The following LHPP variants were observed in gnomAD, a reference collection of about 807,000 sequenced individuals.
The protein encoded by LHPP is hLHPP.
A neutral mutation model predicts 30.3 loss-of-function variants in LHPP; 24 were observed. The observed-to-expected ratio is 0.79, with a 90% CI of 0.57 to 1.11. LHPP has a LOEUF of 1.11. LHPP is among the 50% of genes most tolerant of loss of function. LHPP has a pLI of 0.00. For missense variants in LHPP, 356 were observed against 367.2 expected, an observed-to-expected ratio of 0.97 and a Z score of 0.25; for synonymous variants, 150 against 157.1, an observed-to-expected ratio of 0.95 and a Z score of 0.34.
chr10:124,481,143 G>A (rs891749996), intron 1 of LHPP, among the ~76,000 whole-genome samples: 34 of 152,230 alleles, frequency 2.2e-4, no homozygotes, highest in African/African-American at 7.7e-4. Flanking sequence ...CCTGGAGCTC[G>A]TAGGCCAGTG....
chr10:124,525,117 G>A lies in LHPP; in HGVS notation c.716+7846G>A, dbSNP rs554852276. On this transcript the variant is annotated intron_variant, in intron 6 of 6. Transcript: ENST00000368842. ...ATGGCTGGCTTCCCTCCAACATGGC[G>A]CTGGCTCTTCCTTCTCTGACCTTTA... Among the ~76,000 whole-genome samples the A allele has an allele frequency of 6.0e-4, 91 of 152,220 alleles. No homozygotes were observed. The South Asian group carries it at 0.013, about 21-fold the overall frequency.
Position 124,461,909 on chromosome 10 carries a change from T to C in LHPP, c.47T>C (p.Leu16Pro). Reference protein sequence around the residue: ...KRLAGVRGVLLDISGVLYDSG... With the variant: ...KRLAGVRGVLPDISGVLYDSG... ...CTGGCTGGCGTGCGCGGGGTGCTGC[T>C]TGACATCTCGGGCGTGCTGTACGAC... The change falls in exon 1 of 7, where the codon CTT becomes CCT. Residue 16 changes from leucine (L) to proline (P), a missense_variant. Leu to Pro is a moderately conservative substitution (Grantham distance 98). Coordinates refer to ENST00000368842, the MANE Select transcript of LHPP (RefSeq NM_022126.4). 2.4e-6 allele frequency: 3 copies of C among 1,256,492 alleles called. No individual in the cohort carries two copies. Among genetic ancestry groups the C allele is most frequent in the Non-Finnish European group, 3.0e-6 (3 of 997,254 alleles). The allele number at this position is 1,256,492 out of a possible 1,614,324, so 77.8% of individuals were successfully genotyped here.
intron 5 of LHPP, among the ~76,000 whole-genome samples, chr10:124,516,532 C>T (rs1222233324): frequency 1.3e-5 from 2 of 152,160 alleles, no homozygotes; most frequent in African/African-American, 2.4e-5. Context: ...TTGTTTCCTG[C>T]GTCTCAGAAG....
Position 124,590,131 on chromosome 10 carries a change from T to A in LHPP, c.717-23133T>A, listed in dbSNP as rs1174426416. On this transcript the variant is annotated intron_variant, in intron 6 of 6. Transcript: ENST00000368842. This position sits in a 1 kb window ranked among gnomAD's most constrained non-coding sequence, Gnocchi z 4.3. Reference sequence around the variant, plus strand: ...GTGAACAGCTCATTCGATTCGTTCATGTGACGTCCTCCCTCTCCCAATCCC... The same window carrying A: ...GTGAACAGCTCATTCGATTCGTTCAAGTGACGTCCTCCCTCTCCCAATCCC... 6.6e-6 allele frequency among the ~76,000 whole-genome samples: 1 copy of A among 152,200 alleles called. No individual in the cohort carries two copies. Among genetic ancestry groups the A allele is most frequent in the East Asian group, 1.9e-4 (1 of 5,200 alleles).
chr10:124,478,356 G>A lies in LHPP; in HGVS notation c.126-5783G>A, dbSNP rs879804282. Among the ~76,000 whole-genome samples, 16 of 152,214 alleles carry A rather than the reference G, an allele frequency of 1.1e-4. No homozygotes were observed. The highest frequency in any genetic ancestry group is 5.2e-4 in the Admixed American group (8 of 15,284). On this transcript the variant is annotated intron_variant, in intron 1 of 6. Coordinates refer to ENST00000368842, the MANE Select transcript of LHPP (RefSeq NM_022126.4). The surrounding 1 kb of genome is among the most constrained non-coding windows in gnomAD (Gnocchi z 4.7). ...CCTCTGGGTCACACGAAGGTGACCAGTACCGGGGCTAGAGGGCAGGGGGCC... is the reference window on the plus strand; with the variant it reads ...CCTCTGGGTCACACGAAGGTGACCAATACCGGGGCTAGAGGGCAGGGGGCC...
At chr10:124,506,843 A>T (rs368308736) in intron 5 of LHPP, among the ~76,000 whole-genome samples, 1 of 5,558 alleles carries the variant, frequency 1.8e-4, no homozygotes. Flanking sequence ...GATTTCAGGT[A>T]GGGGGTAGGG....
chr10:124,473,218 C>T (rs1451008058), intron 1 of LHPP, among the ~76,000 whole-genome samples: 1 of 152,140 alleles, frequency 6.6e-6, no homozygotes, highest in Non-Finnish European at 1.5e-5. Context: ...GCCCCTACCC[C>T]CAGTGCCCCA....
rs976862949 is a variant in LHPP, at chr10:124,496,345, T to C, written c.468-616T>C. On this transcript the variant is annotated intron_variant, in intron 3 of 6. Transcript: ENST00000368842. This position sits in a 1 kb window ranked among gnomAD's most constrained non-coding sequence, Gnocchi z 4.3. Reference sequence around the variant, plus strand: ...AGCCAGCCCTGGGCTCAAAGAGCAGTGAGGCCATTTTGAGAGAGGAATGCT... The same window carrying C: ...AGCCAGCCCTGGGCTCAAAGAGCAGCGAGGCCATTTTGAGAGAGGAATGCT... Among the ~76,000 whole-genome samples, 6 of 152,156 alleles carry C rather than the reference T, an allele frequency of 3.9e-5. No individual in the cohort carries two copies. The highest frequency in any genetic ancestry group is 1.4e-4 in the African/African-American group (6 of 41,444).
intron 6 of LHPP, among the ~76,000 whole-genome samples, chr10:124,567,498 C>T (rs1010346852): frequency 2.6e-5 from 4 of 152,210 alleles, no homozygotes; most frequent in Non-Finnish European, 5.9e-5. Context: ...CCGCCCGGCT[C>T]ATAGCAATGT....
At chr10:124,519,925 C>T (rs904929794) in intron 6 of LHPP, among the ~76,000 whole-genome samples, 7 of 152,112 alleles carry the variant, frequency 4.6e-5, no homozygotes, top group East Asian at 1.9e-4. Flanking sequence ...CTCCGCCTCC[C>T]GGGTTCACGC....
At chr10:124,543,779 A>AG (rs1955264002) in intron 6 of LHPP, among the ~76,000 whole-genome samples, 1 of 137,144 alleles carries the variant, frequency 7.3e-6, no homozygotes, top group African/African-American at 3.3e-5. Flanking sequence ...AAATTAATAT[A>AG]TTTTTTTTTC....
At chr10:124,497,470 G>A (rs1641502650) in intron 4 of LHPP, among the ~76,000 whole-genome samples, 1 of 151,658 alleles carries the variant, frequency 6.6e-6, no homozygotes, top group South Asian at 2.1e-4. Context: ...CCTCCTTCCT[G>A]ACTTCCCCTT....
Position 124,485,801 on chromosome 10 carries a change from A to C in LHPP, c.313+1475A>C, listed in dbSNP as rs576877695. On this transcript the variant is annotated intron_variant, in intron 2 of 6. Coordinates refer to ENST00000368842, the MANE Select transcript of LHPP (RefSeq NM_022126.4). ...TTTTTAGTAGAGATGGGGTTTCACCATGTTGGCCAGGCTCGTCTTAAACTC... is the reference window on the plus strand; with the variant it reads ...TTTTTAGTAGAGATGGGGTTTCACCCTGTTGGCCAGGCTCGTCTTAAACTC... 7.1e-4 allele frequency among the ~76,000 whole-genome samples: 108 copies of C among 152,158 alleles called. 1 individual carries two copies. The highest frequency in any genetic ancestry group is 1.3e-3 in the Non-Finnish European group (91 of 68,010).
At chr10:124,583,455 G>A (rs978171625) in intron 6 of LHPP, among the ~76,000 whole-genome samples, 1 of 152,166 alleles carries the variant, frequency 6.6e-6, no homozygotes. Flanking sequence ...GTTGACCATT[G>A]TAGTAGGCTG....
chr10:124,561,751 G>GCACAACTTC (rs1483757635), intron 6 of LHPP, among the ~76,000 whole-genome samples: 3 of 151,756 alleles, frequency 2.0e-5, no homozygotes, highest in Non-Finnish European at 4.4e-5. Context: ...TCCAGAGAAG[G>GCACAACTTC]CCACTGAAAG....
rs1424104145 is a variant in LHPP, at chr10:124,496,658, C to A, written c.468-303C>A. ...AACTGAAACCGTCTGCCTTCTGGGT[C>A]CCCTGTTAATCATTGCAGCAGGGTC... On this transcript the variant is annotated intron_variant, in intron 3 of 6. Transcript: ENST00000368842. The surrounding 1 kb of genome is among the most constrained non-coding windows in gnomAD (Gnocchi z 4.3). Among the ~76,000 whole-genome samples, 1 of 152,234 alleles carries A rather than the reference C, an allele frequency of 6.6e-6. No homozygotes were observed. The highest frequency in any genetic ancestry group is 1.5e-5 in the Non-Finnish European group (1 of 68,052).
In LHPP at chr10:124,509,978, G is replaced by A. The variant is rs567192932; in HGVS notation, c.625-7202G>A. Among the ~76,000 whole-genome samples, 14 of 152,280 alleles carry A rather than the reference G, an allele frequency of 9.2e-5. No individual in the cohort carries two copies. The East Asian group carries it at 2.7e-3, about 29-fold the overall frequency. On this transcript the variant is annotated intron_variant, in intron 5 of 6. Transcript: ENST00000368842. ...GACACTGAAGAGGAGACCAGGGCAG[G>A]CAGGCAGATGCGTAAGAGGGAGGAT... is the stretch of plus-strand genomic sequence containing the variant.
chr10:124,560,038 A>T (rs11245291), intron 6 of LHPP, among the ~76,000 whole-genome samples: 4 of 152,120 alleles, frequency 2.6e-5, no homozygotes, highest in South Asian at 2.1e-4. Flanking sequence ...TCTGGTTTGT[A>T]GCCTGTACCA....
chr10:124,528,369 T>G (rs116679933), intron 6 of LHPP, among the ~76,000 whole-genome samples: 4,890 of 151,820 alleles, frequency 0.032, 221 homozygotes, highest in African/African-American at 0.094. Context: ...ATTATTTTAT[T>G]TTTTTTTGAA....
Sources: allele counts gnomAD v4.1 joint callset (sites outside exome capture counted in the v4.1 genomes callset), GRCh38; gene constraint gnomAD v4.1.1; non-coding constraint Gnocchi (gnomAD v3.1); transcripts MANE v1.5; gene names NCBI Gene and HGNC (gene_info 2026-07-23, HGNC 2026-07-21).